Variants in SVOPL observed in about 807,000 individuals in gnomAD.
The protein encoded by SVOPL is SVOP like, also known as putative transporter SVOPL.
SVOPL carries 60 observed loss-of-function variants against 61.0 expected under a neutral mutation model. That is an observed-to-expected ratio of 0.98 (90% confidence interval 0.80 to 1.22). The LOEUF (loss-of-function observed/expected upper bound fraction) is 1.22, where lower values mean the gene tolerates loss of function less well. SVOPL is among the 50% of genes most tolerant of loss of function. SVOPL has a pLI of 0.00. For missense variants in SVOPL, 662 were observed against 643.9 expected (o/e 1.03, Z -0.30); for synonymous variants, 279 against 250.0 (o/e 1.12, Z -1.09).
chr7:138,622,130 C>G (rs1484239987), intron 13 of SVOPL, among the ~76,000 whole-genome samples: 79 of 85,304 alleles, frequency 9.3e-4, no homozygotes, highest in Non-Finnish European at 1.3e-3. Flanking sequence ...ATGTATCTAT[C>G]TATCTATGTA....
chr7:138,686,332 G>A (rs988329583), intron 1 of SVOPL, among the ~76,000 whole-genome samples: 4 of 151,472 alleles, frequency 2.6e-5, no homozygotes, highest in African/African-American at 9.7e-5. Context: ...GAACCCCGGG[G>A]GGGGCGGAGG....
chr7:138,678,169 C>T (rs957548514), intron 3 of SVOPL, among the ~76,000 whole-genome samples: 3 of 152,128 alleles, frequency 2.0e-5, no homozygotes, highest in African/African-American at 7.2e-5. Context: ...TACCTATAGC[C>T]TGAAAGTCCC....
intron 7 of SVOPL, among the ~76,000 whole-genome samples, chr7:138,655,741 CATTT>C (rs1801698963): frequency 6.7e-6 from 1 of 150,060 alleles, no homozygotes; most frequent in Non-Finnish European, 1.5e-5. Context: ...GATATATATT[CATTT>C]ATTACTGTAA....
intron 3 of SVOPL, among the ~76,000 whole-genome samples, chr7:138,675,778 C>G (rs950037884): frequency 2.0e-5 from 3 of 152,070 alleles, no homozygotes; most frequent in Non-Finnish European, 4.4e-5. Context: ...TGAGTGGACC[C>G]CATATCTTTG....
intron 1 of SVOPL, among the ~76,000 whole-genome samples, chr7:138,680,647 C>T (rs1238462448): frequency 2.0e-5 from 3 of 151,884 alleles, no homozygotes; most frequent in South Asian, 2.1e-4. Context: ...GGCCCGATCT[C>T]GGCTCACTGC....
At chr7:138,598,943 G>A (rs114630787) in intron 14 of SVOPL, among the ~76,000 whole-genome samples, 2,863 of 151,888 alleles carry the variant, frequency 0.019, 92 homozygotes, top group African/African-American at 0.057. Context: ...AATCCCAGCA[G>A]GATTTTGAGA....
chr7:138,673,187 G>A (rs1324632137), intron 3 of SVOPL, among the ~76,000 whole-genome samples: 1 of 152,152 alleles, frequency 6.6e-6, no homozygotes, highest in Non-Finnish European at 1.5e-5. Flanking sequence ...ATACTTGTAT[G>A]ACTTGGAGGT....
intron 9 of SVOPL, among the ~76,000 whole-genome samples, chr7:138,641,814 TTA>T (rs10666134): frequency 0.03 from 3,586 of 120,950 alleles, 58 homozygotes; most frequent in African/African-American, 0.044. Flanking sequence ...TATATATATG[TTA>T]TATATATATA....
chr7:138,661,429 T>C (rs1801995053), intron 5 of SVOPL: 2 of 984,626 alleles, frequency 2.0e-6, no homozygotes, highest in Middle Eastern at 5.2e-4. Flanking sequence ...CTGAGGAATG[T>C]GAGGTATGCA....
At chr7:138,679,146 G>T in intron 1 of SVOPL, 67 bp from the exon 2 acceptor site, 1 of 1,107,252 alleles carries the variant, frequency 9.0e-7, no homozygotes, top group Non-Finnish European at 1.3e-6. Flanking sequence ...GTATATGCCA[G>T]GCACACTACA....
At chr7:138,637,459 T>TATATAG (rs1563108648) in intron 9 of SVOPL, among the ~76,000 whole-genome samples, 158 of 14,340 alleles carry the variant, frequency 0.011, 1 homozygote, top group Middle Eastern at 0.036. Flanking sequence ...TAGATAGATA[T>TATATAG]ATATATATAG....
chr7:138,644,218 A>AT (rs1800979238), intron 9 of SVOPL, among the ~76,000 whole-genome samples: 1 of 144,494 alleles, frequency 6.9e-6, no homozygotes, highest in Admixed American at 6.8e-5. Context: ...AAAAAAAAAA[A>AT]AAAAAAAAGG....
chr7:138,690,627 G>C (rs1288947583), intron 1 of SVOPL, among the ~76,000 whole-genome samples: 5 of 152,160 alleles, frequency 3.3e-5, no homozygotes, highest in African/African-American at 7.2e-5. Flanking sequence ...TGGTTGCGGG[G>C]GGAGGAGGAG....
chr7:138,630,168 TGAACGGA>T (rs762846023), intron 9 of SVOPL, 46 bp from the exon 10 acceptor site: 30 of 1,461,090 alleles, frequency 2.1e-5, no homozygotes, highest in Non-Finnish European at 2.7e-5. Flanking sequence ...AGCTTAAGGA[TGAACGGA>T]GATGTTTCCA....
chr7:138,679,515 C>T (rs757237061), intron 1 of SVOPL, among the ~76,000 whole-genome samples: 15 of 152,186 alleles, frequency 9.9e-5, no homozygotes, highest in East Asian at 3.9e-4. Context: ...TCAGGTGATC[C>T]GCCCACCTCG....
In SVOPL at chr7:138,657,215, G is replaced by A. The variant is rs375698120; in HGVS notation, c.471-704C>T. On this transcript the variant is annotated intron_variant, in intron 6 of 15. Coordinates refer to ENST00000674285, the MANE Select transcript of SVOPL (RefSeq NM_001139456.2). Reference sequence around the variant, plus strand: ...CTGTCTCCCAGGTTGGAGTACAGTGGTTTGATCACAGCTCGCTGCAGCCTC... The same window carrying A: ...CTGTCTCCCAGGTTGGAGTACAGTGATTTGATCACAGCTCGCTGCAGCCTC... Among the ~76,000 whole-genome samples, 5 of 151,688 alleles carry A rather than the reference G, an allele frequency of 3.3e-5. No individual in the cohort carries two copies. The East Asian group carries it at 7.8e-4, about 24-fold the overall frequency.
intron 14 of SVOPL, among the ~76,000 whole-genome samples, chr7:138,618,782 G>A (rs34376274): frequency 0.029 from 4,335 of 150,376 alleles, 99 homozygotes; most frequent in South Asian, 0.079. Flanking sequence ...AGGAAGGAAG[G>A]AAACAGAAAG....
At chr7:138,679,290 G>A (rs969294075) in intron 1 of SVOPL, among the ~76,000 whole-genome samples, 5 of 151,990 alleles carry the variant, frequency 3.3e-5, no homozygotes, top group Admixed American at 2.0e-4. Flanking sequence ...GATTGATTGA[G>A]ATGGAGTCTC....
intron 9 of SVOPL, among the ~76,000 whole-genome samples, chr7:138,631,960 T>TCTCACACACACA (rs935815206): frequency 0.021 from 3,113 of 147,024 alleles, 70 homozygotes; most frequent in African/African-American, 0.056. Flanking sequence ...TGCTCTGATA[T>TCTCACACACACA]CACACACACA....
Sources: gnomAD v4.1 joint callset for allele counts (sites outside exome capture counted in the v4.1 genomes callset) on GRCh38, gnomAD v4.1.1 for gene constraint, MANE v1.5 for transcripts, NCBI Gene and HGNC (gene_info 2026-07-23, HGNC 2026-07-21) for gene names.